Variants in CTSG observed in about 807,000 individuals in gnomAD.
CTSG encodes the protein cathepsin G.
Under a neutral mutation model 23.0 loss-of-function variants are expected in CTSG, and 23 were observed. The ratio of observed to expected loss-of-function variants is 1.00; its 90% CI spans 0.72 to 1.42. The LOEUF is 1.42. Among genes scored for constraint, CTSG ranks in the 40% most tolerant of loss-of-function variants. The pLI, the probability that CTSG is intolerant of heterozygous loss-of-function variation, is 0.00. For synonymous variants in CTSG, 140 were observed against 130.4 expected (o/e 1.07, Z -0.50); for missense variants, 312 against 326.2 (o/e 0.96, Z 0.33).
At chr14:24,575,069 C>A in intron 2 of CTSG, 196 bp downstream of exon 2, 1 of 702,938 alleles carries the variant, frequency 1.4e-6, no homozygotes, top group Non-Finnish European at 2.3e-6. Flanking sequence ...ATGTGTCTTC[C>A]ATCTCTTCCT....
intron 1 of CTSG, among the ~76,000 whole-genome samples, chr14:24,575,778 C>T (rs927158086): frequency 6.6e-6 from 1 of 152,194 alleles, no homozygotes; most frequent in Non-Finnish European, 1.5e-5. Flanking sequence ...ATACTTTTAT[C>T]CTCATGGAGC....
At chr14:24,576,111 T>A in intron 1 of CTSG, 58 bp downstream of exon 1, 1 of 1,495,076 alleles carries the variant, frequency 6.7e-7, no homozygotes, top group South Asian at 1.2e-5. Flanking sequence ...CCAAGGCAAT[T>A]TGGCTCAAGA....
intron 1 of CTSG, among the ~76,000 whole-genome samples, chr14:24,575,782 A>C (rs1396876445): frequency 6.6e-6 from 1 of 152,178 alleles, no homozygotes; most frequent in Admixed American, 6.5e-5. Context: ...TTTTATCCTC[A>C]TGGAGCTTCC....
In CTSG at chr14:24,576,183, G is replaced by C. The variant is rs747450539; in HGVS notation, c.41C>G (p.Thr14Ser). Residue 14 changes from threonine (T) to serine (S), a missense_variant, in exon 1 of 5, where the codon ACT becomes AGT. Physicochemically the swap from Thr to Ser is moderately conservative, Grantham distance 58. Transcript: ENST00000216336. ...LLLLLAFLLP[T>S]GAEAGEIIGG... ...TGGTCACTCACCTGCCTCAGCCCCA[G>C]TGGGTAGGAGAAAGGCCAGCAGAAG... 16 of 1,610,574 alleles carry C rather than the reference G, an allele frequency of 9.9e-6. No homozygotes were observed. In the East Asian group the frequency reaches 3.6e-4, roughly 36 times the overall value.
chr14:24,575,098 A>T, intron 2 of CTSG, 167 bp downstream of exon 2: 2 of 736,128 alleles, frequency 2.7e-6, no homozygotes, highest in Admixed American at 2.9e-5. Context: ...TTTTGATCTT[A>T]TCCTCCTTTC....
chr14:24,574,136 C>A, intron 4 of CTSG, 109 bp downstream of exon 4: 1 of 1,417,080 alleles, frequency 7.1e-7, no homozygotes, highest in South Asian at 1.3e-5. Context: ...CCCAGCCCAC[C>A]CTGGTCTGGC....
chr14:24,574,837 C>T (rs1226935845), intron 2 of CTSG, 27 bp from the exon 3 acceptor site: 1 of 1,612,134 alleles, frequency 6.2e-7, no homozygotes, highest in Admixed American at 1.7e-5. Flanking sequence ...TAGGTCTGGG[C>T]TGCAGGAGCT....
chr14:24,574,587 C>G, intron 3 of CTSG, 88 bp from the exon 4 acceptor site: 2 of 1,610,622 alleles, frequency 1.2e-6, no homozygotes, highest in South Asian at 2.2e-5. Flanking sequence ...CCCATGCCCT[C>G]CCCGCCACCC....
At chr14:24,576,094 G>C in intron 1 of CTSG, 75 bp downstream of exon 1, 1 of 1,243,748 alleles carries the variant, frequency 8.0e-7, no homozygotes, top group East Asian at 2.5e-5. Flanking sequence ...TACAGAATTA[G>C]GATATACCAA....
Position 24,573,578 on chromosome 14 carries a change from T to TCC in CTSG, c.*58_*59insGG. On this transcript the variant is annotated 3_prime_UTR_variant, in exon 5 of 5. Coordinates refer to ENST00000216336, the MANE Select transcript of CTSG (RefSeq NM_001911.3). The stretch of plus-strand genomic sequence containing the variant: ...ATTGGTTATTTATACTCTGTGGACG[T>TCC]TTATTAAGGCTCTGGCAACACTGTG... 6.7e-7 allele frequency: 1 copy of TCC among 1,500,486 alleles called. No individual in the cohort carries two copies. The allele number at this position is 1,500,486 out of a possible 1,614,324, so 92.9% of individuals were successfully genotyped here.
intron 1 of CTSG, among the ~76,000 whole-genome samples, chr14:24,575,944 C>A (rs772995799): frequency 6.6e-6 from 1 of 152,174 alleles, no homozygotes; most frequent in Non-Finnish European, 1.5e-5. Context: ...GTTTTTATAG[C>A]ACTTATAGTG....
At position 24,574,514 on chromosome 14, in the gene CTSG, T is replaced by C. The variant is rs1419386388; in HGVS notation, c.340-15A>G. The C allele has an allele frequency of 3.1e-6, 5 of 1,613,616 alleles. No homozygotes were observed. The highest frequency in any genetic ancestry group is 2.2e-5 in the East Asian group (1 of 44,834). On this transcript the variant is annotated splice_polypyrimidine_tract_variant and intron_variant, in intron 3 of 4. Transcript: ENST00000216336. ...CTTCTGCTCAGCTGGAGGAAGAATG[T>C]AGGCGTTCCCGCTCAGCTGGGGCCT... is the stretch of plus-strand genomic sequence containing the variant.
At position 24,574,318 on chromosome 14, in the gene CTSG, C is replaced by A; in HGVS notation, c.521G>T (p.Arg174Leu). 1 of 1,603,242 alleles carries A rather than the reference C, an allele frequency of 6.2e-7. No individual in the cohort carries two copies. Among genetic ancestry groups the A allele is most frequent in the African/African-American group, 1.3e-5 (1 of 75,030 alleles). ...TCGGGGGTCGTAGGAACCGAAGATG[C>A]GGAGGCACTGCCTATCCCTCTGCAC... ...LRVQRDRQCL[R>L]IFGSYDPRRQ... Residue 174 changes from arginine to leucine, a missense_variant, in exon 4 of 5, where the codon CGC becomes CTC. By Grantham distance (102) the Arg-to-Leu change is moderately radical. Transcript: ENST00000216336.
chr14:24,575,250 TC>T lies in CTSG; in HGVS notation c.203+14del. On this transcript the variant is annotated intron_variant, in intron 2 of 4. Transcript: ENST00000216336. ...CTGTGTTCCTGGCTGGCCAGGAAGT[TC>T]CTTAGCTCCTCACCTTCCCCAGCAA... 6.2e-7 allele frequency: 1 copy of T among 1,613,984 alleles called. No individual in the cohort carries two copies. Among genetic ancestry groups the T allele is most frequent in the Non-Finnish European group, 8.5e-7 (1 of 1,179,982 alleles).
At chr14:24,574,199 C>T (rs1566551694) in intron 4 of CTSG, 46 bp downstream of exon 4, 8 of 1,594,756 alleles carry the variant, frequency 5.0e-6, no homozygotes, top group African/African-American at 2.7e-5. Context: ...TGGCTCTGCA[C>T]GGGCCCCTCT....
chr14:24,575,405 G>C lies in CTSG; in HGVS notation c.63C>G (p.Ile21Met), dbSNP rs1160837044. The C allele has an allele frequency of 6.2e-7, 1 of 1,614,152 alleles. No individual in the cohort carries two copies. The highest frequency in any genetic ancestry group is 2.2e-5 in the East Asian group (1 of 44,878). Residue 21 changes from isoleucine to methionine, a missense_variant, in exon 2 of 5, where the codon ATC becomes ATG. By Grantham distance (10) the Ile-to-Met change is conservative. Coordinates refer to ENST00000216336, the MANE Select transcript of CTSG (RefSeq NM_001911.3). ...GGGGCCTGCTCTCCCGGCCTCCGAT[G>C]ATCTCCCCTGGAAGGAAGCATTTGG... ...LLPTGAEAGE[I>M]IGGRESRPHS...
At position 24,573,784 on chromosome 14, in the gene CTSG, A is replaced by G; in HGVS notation, c.621T>C (p.Cys207=). The change falls in exon 5 of 5, where the codon TGT becomes TGC. Residue 207 remains cysteine, a synonymous_variant. Coordinates refer to ENST00000216336, the MANE Select transcript of CTSG (RefSeq NM_001911.3). ...FKGDSGGPLL[C]NNVAHGIVSY... ...AGACGATGCCGTGGGCCACATTGTT[A>G]CACAGCAGGGGGCCTCCGGAATCCC... is the stretch of plus-strand genomic sequence containing the variant. The G allele has an allele frequency of 1.2e-6, 2 of 1,614,130 alleles. No homozygotes were observed. The highest frequency in any genetic ancestry group is 8.5e-7 in the Non-Finnish European group (1 of 1,180,012).
chr14:24,574,452 C>T lies in CTSG; in HGVS notation c.387G>A (p.Leu129=), dbSNP rs760502723. The T allele has an allele frequency of 4.3e-6, 7 of 1,613,934 alleles. No homozygotes were observed. Among genetic ancestry groups the T allele is most frequent in the East Asian group, 2.2e-5 (1 of 44,874 alleles). The change falls in exon 4 of 5, where the codon CTG becomes CTA. Residue 129 remains leucine (L), a synonymous_variant. Transcript: ENST00000216336. The part of the protein sequence containing the change: ...RRNRNVNPVA[L]PRAQEGLRPG... ...GTCTCAGTCCCTCCTGGGCTCTAGG[C>T]AGAGCCACTGGGTTCACGTTTCGAT...
chr14:24,574,864 G>T, intron 2 of CTSG, 54 bp from the exon 3 acceptor site: 1 of 1,609,130 alleles, frequency 6.2e-7, no homozygotes, highest in Non-Finnish European at 8.5e-7. Context: ...CACCAGCTCT[G>T]CAGGGTAGGC....
Sources: allele counts gnomAD v4.1 joint callset (sites outside exome capture counted in the v4.1 genomes callset), GRCh38; gene constraint gnomAD v4.1.1; transcripts MANE v1.5; gene names NCBI Gene and HGNC (gene_info 2026-07-23, HGNC 2026-07-21).